ZNF724: variants seen among roughly 807,000 people sequenced by gnomAD.
ZNF724 encodes zinc finger protein 724 pseudogene.
In ZNF724, 14 loss-of-function variants were observed where a neutral mutation model predicts 29.3. That is an observed-to-expected ratio of 0.48 (90% confidence interval 0.32 to 0.75). The LOEUF (loss-of-function observed/expected upper bound fraction) is 0.75, where lower values mean the gene tolerates loss of function less well. Among genes scored for constraint, ZNF724 ranks in the 30% least tolerant of loss-of-function variants. The pLI, the probability that ZNF724 is intolerant of heterozygous loss-of-function variation, is 0.04. For missense variants in ZNF724, 557 were observed against 571.2 expected (o/e 0.98, Z 0.25); for synonymous variants, 180 against 193.6 (o/e 0.93, Z 0.58).
chr19:23,223,591 T>C lies in ZNF724; in HGVS notation c.654A>G (p.Arg218=), dbSNP rs561344324. ...NVSSTLSQHK[R]IHTGQKHYKC... ...TGTAGTGTTTTTGTCCTGTATGAAT[T>C]CTCTTATGTTGAGAAAGGGTTGAGG... The change falls in exon 4 of 4, where the codon AGA becomes AGG. Residue 218 remains arginine, a synonymous_variant. Transcript: ENST00000418100. The C allele has an allele frequency of 9.7e-6, 7 of 718,216 alleles. No homozygotes were observed. The highest frequency in any genetic ancestry group is 5.3e-5 in the East Asian group (2 of 37,512). 44.5% of individuals were successfully genotyped at this position (718,216 alleles called of 1,614,324 possible).
At chr19:23,245,483 G>A (rs1408849481) in intron 1 of ZNF724, among the ~76,000 whole-genome samples, 1 of 152,098 alleles carries the variant, frequency 6.6e-6, no homozygotes, top group African/African-American at 2.4e-5. Flanking sequence ...CGTGGTGGCG[G>A]GCGCCAGTAG....
At chr19:23,249,026 GAAGAA>G (rs1484602413) in intron 1 of ZNF724, among the ~76,000 whole-genome samples, 3 of 151,670 alleles carry the variant, frequency 2.0e-5, no homozygotes, top group East Asian at 3.9e-4. Flanking sequence ...AAACTAAGAA[GAAGAA>G]AAGAGGAGAG....
At chr19:23,249,677 G>A (rs1232058583) in intron 1 of ZNF724, among the ~76,000 whole-genome samples, 1 of 152,030 alleles carries the variant, frequency 6.6e-6, no homozygotes, top group African/African-American at 2.4e-5. Flanking sequence ...AGCATTATAG[G>A]CGCAGGCCAC....
intron 1 of ZNF724, among the ~76,000 whole-genome samples, chr19:23,243,366 T>C (rs1599648644): frequency 6.8e-6 from 1 of 147,702 alleles, no homozygotes; most frequent in East Asian, 2.0e-4. Context: ...ATCCCAGCTA[T>C]TCAGGAGGCT....
chr19:23,227,571 C>CAAAAAAACA lies in ZNF724; in HGVS notation c.227-3554_227-3553insTGTTTTTTT, dbSNP rs1568339535. 1.3e-3 allele frequency among the ~76,000 whole-genome samples: 159 copies of CAAAAAAACA among 119,012 alleles called. 5 individuals carry two copies. The highest frequency in any genetic ancestry group is 2.2e-3 in the Non-Finnish European group (132 of 58,940). The allele number at this position is 119,012 out of a possible 152,430, so 78.1% of individuals were successfully genotyped here. On this transcript the variant is annotated intron_variant, in intron 3 of 3. Coordinates refer to ENST00000418100, the MANE Select transcript of ZNF724 (RefSeq NM_001355404.2). ...GCTCCATCTCAAAAAAAAAAAAAAACAAAAAAAAACAAGTTAAATTATATT... is the reference window on the plus strand; with the variant it reads ...GCTCCATCTCAAAAAAAAAAAAAAACAAAAAAACAAAAAAAAAACAAGTTAAATTATATT...
chr19:23,231,402 T>G (rs751797273), intron 2 of ZNF724, 41 bp from the exon 3 acceptor site: 1 of 1,237,076 alleles, frequency 8.1e-7, no homozygotes, highest in Non-Finnish European at 1.2e-6. Context: ...TTGCTCATAT[T>G]CTTTAAATAA....
chr19:23,230,807 ATAAAC>A (rs1346477949), intron 3 of ZNF724: 1 of 152,384 alleles, frequency 6.6e-6, no homozygotes, highest in African/African-American at 2.4e-5. Context: ...AAAAAATAAA[ATAAAC>A]TATTTTATTT....
chr19:23,248,250 A>G (rs1004712596), intron 1 of ZNF724, among the ~76,000 whole-genome samples: 8 of 152,374 alleles, frequency 5.3e-5, no homozygotes, highest in Middle Eastern at 3.4e-3. Context: ...ATTAAAATAC[A>G]GTATGAAAAA....
rs185200034 is a variant in ZNF724 at position 23,227,373 on chromosome 19, G to A, written c.227-3355C>T. 9.9e-4 allele frequency among the ~76,000 whole-genome samples: 150 copies of A among 151,648 alleles called. 1 individual carries two copies. In the East Asian group the frequency reaches 0.02, roughly 21 times the overall value. On this transcript the variant is annotated intron_variant, in intron 3 of 3. Coordinates refer to ENST00000418100, the MANE Select transcript of ZNF724 (RefSeq NM_001355404.2). ...AGTTCGAGACCAGCCTGGCCAACATGATGAAACCCCATCTCTACTAAAAAT... is the reference window on the plus strand; with the variant it reads ...AGTTCGAGACCAGCCTGGCCAACATAATGAAACCCCATCTCTACTAAAAAT...
chr19:23,233,753 G>A (rs185660127), intron 1 of ZNF724, among the ~76,000 whole-genome samples: 62 of 151,620 alleles, frequency 4.1e-4, no homozygotes, highest in Admixed American at 7.2e-4. Flanking sequence ...ACAGCATTCC[G>A]GAGGCAGGGC....
chr19:23,243,673 A>G (rs1329521813), intron 1 of ZNF724, among the ~76,000 whole-genome samples: 4 of 151,718 alleles, frequency 2.6e-5, no homozygotes, highest in Admixed American at 6.6e-5. Context: ...CTGTAATACC[A>G]GCACTTTTGG....
At chr19:23,235,886 A>G (rs1026013113) in intron 1 of ZNF724, among the ~76,000 whole-genome samples, 1 of 152,156 alleles carries the variant, frequency 6.6e-6, no homozygotes, top group African/African-American at 2.4e-5. Flanking sequence ...ACACAATTAA[A>G]CCAGAATGTG....
intron 3 of ZNF724, among the ~76,000 whole-genome samples, chr19:23,229,712 A>G (rs1971901438): frequency 6.6e-6 from 1 of 152,208 alleles, no homozygotes; most frequent in Admixed American, 6.5e-5. Flanking sequence ...ACCCCTCTTC[A>G]TTACAAACCC....
chr19:23,245,521 G>A (rs560380444), intron 1 of ZNF724, among the ~76,000 whole-genome samples: 146 of 152,202 alleles, frequency 9.6e-4, no homozygotes, highest in Non-Finnish European at 1.8e-3. Context: ...GCTGAGGCAA[G>A]AGAATGGCGT....
chr19:23,236,166 C>G (rs944088224), intron 1 of ZNF724: 1 of 152,136 alleles, frequency 6.6e-6, no homozygotes, highest in Non-Finnish European at 1.5e-5. Context: ...GCTCTGTACT[C>G]CCTGAGCACT....
intron 1 of ZNF724, among the ~76,000 whole-genome samples, chr19:23,237,559 A>T (rs1972041480): frequency 6.6e-6 from 1 of 152,094 alleles, no homozygotes; most frequent in African/African-American, 2.4e-5. Context: ...TGACTAAGAC[A>T]TTCATCCAAA....
chr19:23,230,509 AG>A (rs1971917129), intron 3 of ZNF724, among the ~76,000 whole-genome samples: 1 of 152,198 alleles, frequency 6.6e-6, no homozygotes, highest in Non-Finnish European at 1.5e-5. Context: ...AAAAACAGGA[AG>A]GAATGTGCAG....
chr19:23,236,688 C>A (rs553435492), intron 1 of ZNF724: 3 of 152,280 alleles, frequency 2.0e-5, no homozygotes, highest in East Asian at 1.9e-4. Context: ...CCAAACTGCA[C>A]AGCTACTCTC....
intron 1 of ZNF724, among the ~76,000 whole-genome samples, chr19:23,241,220 A>C (rs1042972274): frequency 2.6e-5 from 4 of 152,202 alleles, no homozygotes; most frequent in Admixed American, 1.3e-4. Context: ...GAAGCCCTAA[A>C]TAGATCAATA....
Sources: gnomAD v4.1 joint callset for allele counts (sites outside exome capture counted in the v4.1 genomes callset) on GRCh38, gnomAD v4.1.1 for gene constraint, MANE v1.5 for transcripts, NCBI Gene and HGNC (gene_info 2026-07-23, HGNC 2026-07-21) for gene names.